Variants in SUPT3H observed in about 807,000 individuals in gnomAD.
The protein encoded by SUPT3H is SPT3 homolog, SAGA and STAGA complex component, also known as transcription initiation protein SPT3 homolog.
In SUPT3H, 44 loss-of-function variants were observed where a neutral mutation model predicts 44.3. The observed-to-expected ratio is 0.99, with a 90% CI of 0.78 to 1.28. SUPT3H has a LOEUF of 1.28. Ranked by LOEUF, SUPT3H falls within the 50% of genes most tolerant of loss-of-function variation. The pLI is 0.00. For synonymous variants in SUPT3H, 124 were observed against 125.6 expected (o/e 0.99, Z 0.09); for missense variants, 380 against 387.1 (o/e 0.98, Z 0.15).
chr6:44,917,918 T>C (rs892968270), intron 10 of SUPT3H, among the ~76,000 whole-genome samples: 1 of 150,274 alleles, frequency 6.7e-6, no homozygotes, highest in Non-Finnish European at 1.5e-5. Context: ...TACTTTAAAA[T>C]TTCTATCGGT....
At chr6:44,906,118 A>G (rs1021320498) in intron 10 of SUPT3H, among the ~76,000 whole-genome samples, 2 of 152,220 alleles carry the variant, frequency 1.3e-5, no homozygotes, top group African/African-American at 4.8e-5. Context: ...GCACATGTAT[A>G]CATATGTAAC....
intron 6 of SUPT3H, among the ~76,000 whole-genome samples, chr6:45,001,544 T>C (rs564300680): frequency 6.6e-5 from 10 of 152,088 alleles, no homozygotes; most frequent in South Asian, 4.1e-4. Flanking sequence ...CTGAAAACAA[T>C]AGGAAAGAAC....
intron 3 of SUPT3H, among the ~76,000 whole-genome samples, chr6:45,096,268 G>GT (rs1797769438): frequency 6.6e-6 from 1 of 152,088 alleles, no homozygotes; most frequent in Non-Finnish European, 1.5e-5. Flanking sequence ...TCAAACTTAT[G>GT]TAAGAGTTGG....
chr6:45,165,646 C>CA (rs1164112207), intron 2 of SUPT3H, among the ~76,000 whole-genome samples: 1 of 151,708 alleles, frequency 6.6e-6, no homozygotes, highest in Non-Finnish European at 1.5e-5. Context: ...AAATGAGAAA[C>CA]AAAACATACA....
chr6:45,230,681 TA>T lies in SUPT3H; in HGVS notation c.102-124676del, dbSNP rs1276681075. Among the ~76,000 whole-genome samples, 39 of 115,460 alleles carry T rather than the reference TA, an allele frequency of 3.4e-4. 1 individual carries two copies. The highest frequency in any genetic ancestry group is 7.8e-4 in the Admixed American group (9 of 11,498). 75.7% of individuals were successfully genotyped at this position (115,460 alleles called of 152,430 possible). A position where few individuals can be genotyped will look rare whatever the true frequency, so the allele number is the denominator to read the frequency against. ...TTCAGTCTATATATATATATATATATATATATTTTTGAGATGGAGTCTTGCT... is the reference window on the plus strand; with the variant it reads ...TTCAGTCTATATATATATATATATATTATATTTTTGAGATGGAGTCTTGCT... On this transcript the variant is annotated intron_variant, in intron 2 of 10. Coordinates refer to ENST00000371459, the MANE Select transcript of SUPT3H (RefSeq NM_003599.4).
chr6:44,956,571 T>A (rs767979916), intron 7 of SUPT3H, among the ~76,000 whole-genome samples: 2 of 150,742 alleles, frequency 1.3e-5, no homozygotes, highest in Non-Finnish European at 3.0e-5. Flanking sequence ...TAAACTGACA[T>A]CTGGTCTAAT....
At chr6:45,046,197 A>C (rs1025309153) in intron 3 of SUPT3H, among the ~76,000 whole-genome samples, 4 of 152,188 alleles carry the variant, frequency 2.6e-5, no homozygotes, top group Non-Finnish European at 5.9e-5. Flanking sequence ...TTTCCCCATT[A>C]AATTATCTAA....
intron 10 of SUPT3H, among the ~76,000 whole-genome samples, chr6:44,861,610 C>T (rs1423277686): frequency 6.6e-6 from 1 of 152,142 alleles, no homozygotes; most frequent in Non-Finnish European, 1.5e-5. Context: ...TGGTCTTCAA[C>T]TCCCGACCTC....
chr6:45,066,307 T>C (rs535073132), intron 3 of SUPT3H, among the ~76,000 whole-genome samples: 2 of 151,288 alleles, frequency 1.3e-5, no homozygotes, highest in Non-Finnish European at 2.9e-5. Flanking sequence ...TGATGGGACG[T>C]ATTTCAAAAT....
At chr6:44,949,438 A>G (rs1773920674) in intron 9 of SUPT3H, among the ~76,000 whole-genome samples, 1 of 152,048 alleles carries the variant, frequency 6.6e-6, no homozygotes, top group Non-Finnish European at 1.5e-5. Flanking sequence ...TATTGTCAAA[A>G]AAAAGAAAAA....
intron 2 of SUPT3H, among the ~76,000 whole-genome samples, chr6:45,285,747 A>T (rs944660229): frequency 6.6e-6 from 1 of 152,188 alleles, no homozygotes; most frequent in Admixed American, 6.5e-5. Context: ...AAACTACTTT[A>T]AAGTTCATAT....
intron 2 of SUPT3H, among the ~76,000 whole-genome samples, chr6:45,261,686 C>T (rs1774391940): frequency 6.6e-6 from 1 of 152,102 alleles, no homozygotes. Context: ...GATGCCACCA[C>T]TCTCACCACA....
chr6:45,356,319 AACAC>A (rs758790477), intron 2 of SUPT3H, among the ~76,000 whole-genome samples: 3 of 152,224 alleles, frequency 2.0e-5, no homozygotes, highest in Admixed American at 1.3e-4. Flanking sequence ...GTATATTAAA[AACAC>A]ACACACATAT....
intron 2 of SUPT3H, among the ~76,000 whole-genome samples, chr6:45,251,393 CTGCA>C (rs1219598691): frequency 8.6e-6 from 1 of 116,518 alleles, no homozygotes; most frequent in African/African-American, 3.8e-5. Context: ...AGAAGAGAAG[CTGCA>C]CACACACACA....
chr6:45,272,968 A>G (rs945924893), intron 2 of SUPT3H, among the ~76,000 whole-genome samples: 1 of 152,192 alleles, frequency 6.6e-6, no homozygotes, highest in African/African-American at 2.4e-5. Context: ...CTTTAGGATC[A>G]TACTAGTAAA....
chr6:44,840,348 T>A (rs899107296), intron 10 of SUPT3H, among the ~76,000 whole-genome samples: 2 of 152,166 alleles, frequency 1.3e-5, no homozygotes, highest in Non-Finnish European at 2.9e-5. Context: ...GGTAAGCTGG[T>A]CTCACCACTT....
intron 3 of SUPT3H, among the ~76,000 whole-genome samples, chr6:45,055,951 C>G (rs556412406): frequency 6.6e-6 from 1 of 152,168 alleles, no homozygotes; most frequent in South Asian, 2.1e-4. Context: ...TATCCAGAAT[C>G]TACAAGGAAC....
At chr6:45,373,254 T>C (rs994004785) in intron 1 of SUPT3H, among the ~76,000 whole-genome samples, 1 of 152,120 alleles carries the variant, frequency 6.6e-6, no homozygotes, top group East Asian at 1.9e-4. Flanking sequence ...ACGATTTTCA[T>C]GTTCATTATC....
At chr6:44,834,326 G>A (rs890120377) in intron 10 of SUPT3H, among the ~76,000 whole-genome samples, 1 of 152,172 alleles carries the variant, frequency 6.6e-6, no homozygotes, top group African/African-American at 2.4e-5. Context: ...GGAAGAGGCA[G>A]AAATTGAAGT....
Sources: gnomAD v4.1 joint callset for allele counts (sites outside exome capture counted in the v4.1 genomes callset) on GRCh38, gnomAD v4.1.1 for gene constraint, MANE v1.5 for transcripts, NCBI Gene and HGNC (gene_info 2026-07-23, HGNC 2026-07-21) for gene names.